DLG2: variants seen among roughly 807,000 people sequenced by gnomAD.
The protein encoded by DLG2 is discs large MAGUK scaffold protein 2, also known as disks large homolog 2.
DLG2 carries 45 observed loss-of-function variants against 132.5 expected under a neutral mutation model. That is an observed-to-expected ratio of 0.34 (90% confidence interval 0.27 to 0.44). The LOEUF (loss-of-function observed/expected upper bound fraction) is 0.44, where lower values mean the gene tolerates loss of function less well. Among genes scored for constraint, DLG2 ranks in the 20% least tolerant of loss-of-function variants. DLG2 has a pLI of 1.00. For synonymous variants in DLG2, 424 were observed against 419.6 expected (o/e 1.01, Z -0.13); for missense variants, 1,045 against 1,196.9 (o/e 0.87, Z 1.87).
At chr11:84,529,391 A>C (rs2099329885) in intron 7 of DLG2, among the ~76,000 whole-genome samples, 1 of 152,104 alleles carries the variant, frequency 6.6e-6, no homozygotes, top group South Asian at 2.1e-4. Flanking sequence ...ATACCTAGAA[A>C]ACCCCTTAGT....
chr11:84,239,101 T>C (rs1047376110), intron 8 of DLG2, among the ~76,000 whole-genome samples: 1 of 152,164 alleles, frequency 6.6e-6, no homozygotes, highest in Non-Finnish European at 1.5e-5. Flanking sequence ...AACAATTGAG[T>C]GTAACATTGA....
intron 7 of DLG2, among the ~76,000 whole-genome samples, chr11:84,293,370 A>G (rs1331701649): frequency 6.6e-6 from 1 of 152,018 alleles, no homozygotes; most frequent in Non-Finnish European, 1.5e-5. Flanking sequence ...CTACTTTTCA[A>G]TCACAATTTA....
intron 6 of DLG2, among the ~76,000 whole-genome samples, chr11:84,706,808 G>A (rs908989254): frequency 4.0e-5 from 6 of 151,676 alleles, no homozygotes; most frequent in African/African-American, 1.2e-4. Flanking sequence ...TTACATTGGC[G>A]CTGAAGTTGC....
At chr11:84,093,513 T>C (rs1257005006) in intron 10 of DLG2, among the ~76,000 whole-genome samples, 1 of 152,216 alleles carries the variant, frequency 6.6e-6, no homozygotes, top group African/African-American at 2.4e-5. Context: ...CTCCCTATTT[T>C]AAGGTAAATT....
chr11:85,603,502 T>G (rs2080307051), intron 2 of DLG2, among the ~76,000 whole-genome samples: 1 of 152,062 alleles, frequency 6.6e-6, no homozygotes, highest in Non-Finnish European at 1.5e-5. Flanking sequence ...AACCTACAAG[T>G]GCTGAGCACC....
intron 7 of DLG2, among the ~76,000 whole-genome samples, chr11:84,362,819 C>T (rs1357132103): frequency 1.8e-4 from 28 of 152,054 alleles, no homozygotes; most frequent in East Asian, 1.4e-3. Flanking sequence ...TTCATCCATG[C>T]CCCTACAAAG....
intron 3 of DLG2, among the ~76,000 whole-genome samples, chr11:85,420,806 A>G (rs1316914617): frequency 6.6e-6 from 1 of 152,126 alleles, no homozygotes; most frequent in Non-Finnish European, 1.5e-5. Context: ...CGAGCATCCC[A>G]GGTTGACTTC....
At chr11:83,535,950 C>G (rs2095867358) in intron 20 of DLG2, among the ~76,000 whole-genome samples, 1 of 152,160 alleles carries the variant, frequency 6.6e-6, no homozygotes, top group South Asian at 2.1e-4. Flanking sequence ...CCTGAACATA[C>G]ATTCTCTGAC....
chr11:84,867,041 T>C (rs549662519), intron 6 of DLG2, among the ~76,000 whole-genome samples: 72 of 152,378 alleles, frequency 4.7e-4, no homozygotes, highest in African/African-American at 1.7e-3. Context: ...TCTTTAAGTA[T>C]ATAAACTGGT....
intron 4 of DLG2, among the ~76,000 whole-genome samples, chr11:85,176,085 A>G (rs774817263): frequency 2.0e-5 from 3 of 152,192 alleles, no homozygotes; most frequent in Non-Finnish European, 4.4e-5. Flanking sequence ...ACTACTATTG[A>G]CATTCTTCAC....
At chr11:83,986,018 GT>G (rs1326371397) in intron 11 of DLG2, among the ~76,000 whole-genome samples, 1 of 150,404 alleles carries the variant, frequency 6.6e-6, no homozygotes, top group Non-Finnish European at 1.5e-5. Context: ...AGTGTCTGTT[GT>G]TTTTTTGACT....
intron 4 of DLG2, among the ~76,000 whole-genome samples, chr11:85,257,636 C>T (rs1185847166): frequency 4.6e-5 from 7 of 152,040 alleles, no homozygotes; most frequent in African/African-American, 1.7e-4. Context: ...CTTGCCAGTC[C>T]AAGAAATGAT....
chr11:85,009,867 T>C (rs1251739685), intron 6 of DLG2, among the ~76,000 whole-genome samples: 2 of 152,098 alleles, frequency 1.3e-5, no homozygotes, highest in Non-Finnish European at 2.9e-5. Context: ...CTGTCTTCCT[T>C]AGGGCCACAT....
intron 18 of DLG2, among the ~76,000 whole-genome samples, chr11:83,656,901 A>G (rs1339091155): frequency 1.3e-5 from 2 of 151,966 alleles, no homozygotes; most frequent in African/African-American, 4.8e-5. Flanking sequence ...CTCCACCCCC[A>G]CCAAGAGGTG....
chr11:84,680,384 G>A (rs2099725737), intron 6 of DLG2, among the ~76,000 whole-genome samples: 1 of 152,024 alleles, frequency 6.6e-6, no homozygotes, highest in Admixed American at 6.6e-5. Context: ...CCCTCTTAAG[G>A]GCAATTATTG....
At position 85,466,070 on chromosome 11, in the gene DLG2, G is replaced by T. The variant is rs1247183569; in HGVS notation, c.40+132587C>A. ...TCTGATGGCCAGTGATGATGAGCAT[G>T]TTTTCATGTGTCTTTTGACTACATA... On this transcript the variant is annotated intron_variant, in intron 3 of 27. Transcript: ENST00000376104. Among the ~76,000 whole-genome samples the T allele has an allele frequency of 7.9e-5, 12 of 152,300 alleles. No homozygotes were observed. In the East Asian group the frequency reaches 1.7e-3, roughly 22 times the overall value.
chr11:85,196,466 G>A (rs1205509581), intron 4 of DLG2, among the ~76,000 whole-genome samples: 1 of 152,156 alleles, frequency 6.6e-6, no homozygotes, highest in African/African-American at 2.4e-5. Flanking sequence ...GGTTCCTAGT[G>A]GTTGAGGGGC....
intron 18 of DLG2, among the ~76,000 whole-genome samples, chr11:83,663,455 C>A (rs1474175510): frequency 6.6e-6 from 1 of 152,194 alleles, no homozygotes; most frequent in East Asian, 1.9e-4. Context: ...AAAGGACATT[C>A]ATTCCCAAGA....
chr11:83,784,891 T>C (rs1170517274), intron 18 of DLG2, among the ~76,000 whole-genome samples: 1 of 152,204 alleles, frequency 6.6e-6, no homozygotes. Flanking sequence ...GGGACATTTA[T>C]GTTGCAATGT....
Sources: gnomAD v4.1 joint callset for allele counts (sites outside exome capture counted in the v4.1 genomes callset) on GRCh38, gnomAD v4.1.1 for gene constraint, MANE v1.5 for transcripts, NCBI Gene and HGNC (gene_info 2026-07-23, HGNC 2026-07-21) for gene names.